PLPP3: variants seen among roughly 807,000 people sequenced by gnomAD.
PLPP3 encodes the protein PAP2 beta.
A neutral mutation model predicts 29.6 loss-of-function variants in PLPP3; 6 were observed. That is an observed-to-expected ratio of 0.20 (90% CI 0.11 to 0.40). The LOEUF is 0.40. Among genes scored for constraint, PLPP3 ranks in the 10% least tolerant of loss-of-function variants. The pLI, the probability that PLPP3 is intolerant of heterozygous loss-of-function variation, is 1.00. For synonymous variants in PLPP3, 152 were observed against 159.7 expected (o/e 0.95, Z 0.36); for missense variants, 308 against 407.7 (o/e 0.76, Z 2.11).
intron 1 of PLPP3, among the ~76,000 whole-genome samples, chr1:56,575,860 C>T (rs1646231838): frequency 6.6e-6 from 1 of 152,186 alleles, no homozygotes; most frequent in African/African-American, 2.4e-5. Context: ...TGGGAATCGT[C>T]TGTTGCTCTC....
At chr1:56,546,752 C>T (rs1186213154) in intron 1 of PLPP3, among the ~76,000 whole-genome samples, 2 of 152,178 alleles carry the variant, frequency 1.3e-5, no homozygotes, top group Non-Finnish European at 2.9e-5. Flanking sequence ...CTCCATGAGG[C>T]TGGTGGTTAG....
intron 5 of PLPP3, among the ~76,000 whole-genome samples, chr1:56,503,893 C>G (rs1181086577): frequency 6.6e-6 from 1 of 152,172 alleles, no homozygotes; most frequent in African/African-American, 2.4e-5. Context: ...ATTCTTGTGC[C>G]TCAGCCTCCG....
chr1:56,573,468 C>T (rs996837739), intron 1 of PLPP3, among the ~76,000 whole-genome samples: 1 of 152,000 alleles, frequency 6.6e-6, no homozygotes, highest in Non-Finnish European at 1.5e-5. Context: ...AAGCCCACTA[C>T]ATAATTAAAT....
intron 1 of PLPP3, among the ~76,000 whole-genome samples, chr1:56,571,447 C>T (rs757587426): frequency 2.6e-5 from 4 of 152,194 alleles, no homozygotes; most frequent in Non-Finnish European, 5.9e-5. Flanking sequence ...AAAGCCCGTG[C>T]TATTCCCCTC....
intron 1 of PLPP3, among the ~76,000 whole-genome samples, chr1:56,553,091 G>A (rs1023532955): frequency 6.6e-6 from 1 of 152,190 alleles, no homozygotes; most frequent in Admixed American, 6.5e-5. Flanking sequence ...TTACCTGGGA[G>A]ATGTGCAACC....
At chr1:56,569,718 T>C (rs922886231) in intron 1 of PLPP3, among the ~76,000 whole-genome samples, 1 of 152,206 alleles carries the variant, frequency 6.6e-6, no homozygotes, top group African/African-American at 2.4e-5. Context: ...TTTCATAATC[T>C]AGCTCTAACC....
chr1:56,565,805 C>T (rs1370923557), intron 1 of PLPP3, among the ~76,000 whole-genome samples: 1 of 152,140 alleles, frequency 6.6e-6, no homozygotes, highest in Admixed American at 6.5e-5. Flanking sequence ...AGCTGATGGT[C>T]CATTCTAGGG....
chr1:56,510,647 T>C (rs1274191037), intron 5 of PLPP3, among the ~76,000 whole-genome samples: 1 of 152,194 alleles, frequency 6.6e-6, no homozygotes, highest in Admixed American at 6.5e-5. Flanking sequence ...GGAATTTCCT[T>C]GGGAGGGCTG....
In PLPP3 at chr1:56,524,224, C is replaced by A; in HGVS notation, c.575+53G>T. 1 of 1,599,850 alleles carries A rather than the reference C, an allele frequency of 6.3e-7. No individual in the cohort carries two copies. Among genetic ancestry groups the A allele is most frequent in the Non-Finnish European group, 8.5e-7 (1 of 1,171,662 alleles). ...GCCCAGCTAGTAAGTGCTCACTGAACTGCACTGTATGAAAGGGGTCCAGGC... is the reference window on the plus strand; with the variant it reads ...GCCCAGCTAGTAAGTGCTCACTGAAATGCACTGTATGAAAGGGGTCCAGGC... On this transcript the variant is annotated intron_variant, in intron 3 of 5. Transcript: ENST00000371250. The surrounding 1 kb of genome is among the most constrained non-coding windows in gnomAD (Gnocchi z 4.3).
At chr1:56,502,156 G>T (rs896119344) in intron 5 of PLPP3, among the ~76,000 whole-genome samples, 4 of 152,150 alleles carry the variant, frequency 2.6e-5, no homozygotes, top group African/African-American at 9.7e-5. Flanking sequence ...GGCTGAATCA[G>T]CAAATTTTGA....
At chr1:56,564,958 G>A (rs1215586762) in intron 1 of PLPP3, among the ~76,000 whole-genome samples, 3 of 151,668 alleles carry the variant, frequency 2.0e-5, no homozygotes, top group Non-Finnish European at 4.4e-5. Flanking sequence ...ATATGTGTGT[G>A]CACTTGCTTC....
chr1:56,535,153 C>T (rs1317087349), intron 2 of PLPP3, among the ~76,000 whole-genome samples: 4 of 152,128 alleles, frequency 2.6e-5, no homozygotes, highest in Admixed American at 6.5e-5. Context: ...AGTAAGTAGA[C>T]ATAGTATCTC....
chr1:56,560,413 T>A (rs1295155437), intron 1 of PLPP3, among the ~76,000 whole-genome samples: 1 of 152,176 alleles, frequency 6.6e-6, no homozygotes, highest in East Asian at 1.9e-4. Context: ...TGATTTTATA[T>A]CAACATAACC....
At chr1:56,568,749 C>A (rs539421162) in intron 1 of PLPP3, among the ~76,000 whole-genome samples, 56 of 152,208 alleles carry the variant, frequency 3.7e-4, no homozygotes, top group African/African-American at 1.3e-3. Flanking sequence ...CTCAGCCTCC[C>A]GAGTGGCTGG....
chr1:56,534,283 C>T (rs550138576), intron 2 of PLPP3, among the ~76,000 whole-genome samples: 1 of 152,316 alleles, frequency 6.6e-6, no homozygotes, highest in South Asian at 2.1e-4. Context: ...ATTCCAGAAT[C>T]TGAGATACAT....
At chr1:56,515,581 G>A (rs1159798345) in intron 4 of PLPP3, among the ~76,000 whole-genome samples, 1 of 152,244 alleles carries the variant, frequency 6.6e-6, no homozygotes, top group Non-Finnish European at 1.5e-5. Context: ...GAGTGCTTAT[G>A]AATGAGAAAG....
At chr1:56,551,279 G>GGTT (rs1646036459) in intron 1 of PLPP3, among the ~76,000 whole-genome samples, 2 of 135,924 alleles carry the variant, frequency 1.5e-5, no homozygotes, top group Non-Finnish European at 3.3e-5. Flanking sequence ...TCTGGGTTTG[G>GGTT]GGTTTGGTTT....
intron 1 of PLPP3, among the ~76,000 whole-genome samples, chr1:56,551,033 A>G (rs924372201): frequency 6.6e-6 from 1 of 152,080 alleles, no homozygotes; most frequent in Non-Finnish European, 1.5e-5. Flanking sequence ...ACTCTGGCAA[A>G]GCCCCACTCT....
chr1:56,522,879 A>G (rs56348932), intron 4 of PLPP3, among the ~76,000 whole-genome samples: 6 of 152,126 alleles, frequency 3.9e-5, no homozygotes, highest in Non-Finnish European at 7.3e-5. Context: ...GACCTCATTC[A>G]AGGGGAAAGG....
Sources: gnomAD v4.1 joint callset for allele counts (sites outside exome capture counted in the v4.1 genomes callset) on GRCh38, gnomAD v4.1.1 for gene constraint, Gnocchi (gnomAD v3.1) non-coding constraint, MANE v1.5 for transcripts, NCBI Gene and HGNC (gene_info 2026-07-23, HGNC 2026-07-21) for gene names.